CAST: variants seen among roughly 807,000 people sequenced by gnomAD.
The protein encoded by CAST is MIR583 host.
CAST carries 76 observed loss-of-function variants against 119.6 expected under a neutral mutation model. The ratio of observed to expected loss-of-function variants is 0.64; its 90% confidence interval spans 0.53 to 0.77. The LOEUF is 0.77. Ranked by LOEUF, CAST falls within the 30% of genes least tolerant of loss-of-function variation. CAST has a pLI of 0.00. For synonymous variants in CAST, 319 were observed against 331.6 expected, an observed-to-expected ratio of 0.96 and a Z score of 0.41; for missense variants, 953 against 946.5, an observed-to-expected ratio of 1.01 and a Z score of -0.09.
At chr5:96,207,207 A>G in the CAST span, among the ~76,000 whole-genome samples, 1 of 152,052 alleles carries the variant, frequency 6.6e-6, no homozygotes. Flanking sequence ...TTGGGCAGAG[A>G]CTATAGGGTT....
the CAST span, among the ~76,000 whole-genome samples, chr5:96,321,479 T>C: frequency 2.0e-5 from 3 of 152,374 alleles, no homozygotes; most frequent in South Asian, 4.1e-4. Flanking sequence ...TGATGAATAA[T>C]TGGCAAAGTG....
At chr5:96,400,955 C>T in the CAST span, among the ~76,000 whole-genome samples, 2 of 151,128 alleles carry the variant, frequency 1.3e-5, no homozygotes, top group South Asian at 4.2e-4. Flanking sequence ...GGCGCGGTGG[C>T]GGGCGCCTGT....
chr5:96,471,665 C>T, the CAST span, among the ~76,000 whole-genome samples: 2 of 152,006 alleles, frequency 1.3e-5, no homozygotes, highest in Non-Finnish European at 2.9e-5. Flanking sequence ...CATTCAAGAT[C>T]TTGGTCTTAT....
the CAST span, among the ~76,000 whole-genome samples, chr5:96,425,077 C>T: frequency 2.1e-5 from 3 of 140,032 alleles, no homozygotes; most frequent in Admixed American, 2.1e-4. Context: ...AGAAAGAAAA[C>T]GTAGGGTCAA....
chr5:96,621,545 A>G (rs986189151), intron 1 of CAST, among the ~76,000 whole-genome samples: 1 of 152,112 alleles, frequency 6.6e-6, no homozygotes, highest in Non-Finnish European at 1.5e-5. Context: ...TGAAGGAGAA[A>G]CTGTCAGGCA....
At chr5:96,236,241 T>A in the CAST span, among the ~76,000 whole-genome samples, 2 of 152,216 alleles carry the variant, frequency 1.3e-5, no homozygotes, top group African/African-American at 4.8e-5. Flanking sequence ...AATACCATAA[T>A]GGTAACTGCA....
chr5:96,751,586 G>C (rs563074785), intron 20 of CAST, among the ~76,000 whole-genome samples: 15 of 152,264 alleles, frequency 9.9e-5, no homozygotes, highest in African/African-American at 3.6e-4. Context: ...GTACTCTTCA[G>C]GTACTTTTTA....
the CAST span, among the ~76,000 whole-genome samples, chr5:96,519,410 C>G: frequency 6.6e-6 from 1 of 152,200 alleles, no homozygotes; most frequent in Non-Finnish European, 1.5e-5. Flanking sequence ...GAACAGAATT[C>G]CAGACTCGGC....
At chr5:96,176,279 G>C in the CAST span, among the ~76,000 whole-genome samples, 2 of 152,240 alleles carry the variant, frequency 1.3e-5, no homozygotes, top group East Asian at 3.8e-4. Context: ...TGATAAAAGA[G>C]AAGGCAGTCT....
the CAST span, among the ~76,000 whole-genome samples, chr5:96,288,700 G>A: frequency 1.3e-5 from 2 of 152,254 alleles, no homozygotes; most frequent in African/African-American, 4.8e-5. Flanking sequence ...TGTATTTGAA[G>A]TCATCAGGCA....
chr5:96,300,472 G>A, the CAST span, among the ~76,000 whole-genome samples: 1 of 152,056 alleles, frequency 6.6e-6, no homozygotes, highest in Non-Finnish European at 1.5e-5. Flanking sequence ...CTATTTTTAT[G>A]CCGATACCAT....
chr5:96,151,432 T>C, the CAST span, among the ~76,000 whole-genome samples: 1 of 152,132 alleles, frequency 6.6e-6, no homozygotes. Flanking sequence ...GTCCAGGAGT[T>C]CAAGTCCAGC....
the CAST span, among the ~76,000 whole-genome samples, chr5:96,095,947 T>G: frequency 5.3e-5 from 8 of 152,328 alleles, no homozygotes; most frequent in East Asian, 5.8e-4. Flanking sequence ...TGTAACCATA[T>G]TCCTCTTTGT....
At chr5:96,503,171 G>A in the CAST span, among the ~76,000 whole-genome samples, 2 of 152,136 alleles carry the variant, frequency 1.3e-5, no homozygotes, top group Non-Finnish European at 2.9e-5. Context: ...TCTCATGTTT[G>A]CTTTAGTTTG....
the CAST span, among the ~76,000 whole-genome samples, chr5:96,317,022 G>A: frequency 6.6e-6 from 1 of 152,118 alleles, no homozygotes; most frequent in African/African-American, 2.4e-5. Context: ...GAGAGACTAG[G>A]TTTGAGTGAG....
chr5:96,541,418 C>T (rs193024194), intron 1 of CAST, among the ~76,000 whole-genome samples: 1 of 152,234 alleles, frequency 6.6e-6, no homozygotes, highest in African/African-American at 2.4e-5. Context: ...TTTTCTTCCC[C>T]AGTCCTAGAA....
intron 22 of CAST, among the ~76,000 whole-genome samples, chr5:96,756,705 G>C (rs1351722489): frequency 2.0e-5 from 3 of 152,058 alleles, no homozygotes; most frequent in Non-Finnish European, 4.4e-5. Context: ...ACCTTAACCA[G>C]TTTCTCAGGT....
the CAST span, among the ~76,000 whole-genome samples, chr5:96,053,629 G>A: frequency 6.6e-6 from 1 of 152,192 alleles, no homozygotes; most frequent in South Asian, 2.1e-4. Flanking sequence ...CAATCTTCTT[G>A]TAGGAGAGTA....
the CAST span, among the ~76,000 whole-genome samples, chr5:96,189,763 CTT>C: frequency 6.6e-6 from 1 of 151,984 alleles, no homozygotes; most frequent in African/African-American, 2.4e-5. Flanking sequence ...TTGGAAAAAA[CTT>C]TTAACAGCTA....
Sources: allele counts gnomAD v4.1 joint callset (sites outside exome capture counted in the v4.1 genomes callset), GRCh38; gene constraint gnomAD v4.1.1; transcripts MANE v1.5; gene names NCBI Gene and HGNC (gene_info 2026-07-23, HGNC 2026-07-21).